ATRNL1: variants seen among roughly 807,000 people sequenced by gnomAD.
The protein encoded by ATRNL1 is attractin like 1.
Under a neutral mutation model 182.7 loss-of-function variants are expected in ATRNL1, and 95 were observed. The ratio of observed to expected loss-of-function variants is 0.52; its 90% CI spans 0.44 to 0.62. The LOEUF (loss-of-function observed/expected upper bound fraction) is 0.62, where lower values mean the gene tolerates loss of function less well. ATRNL1 is among the 20% of genes least tolerant of loss of function. The pLI is 0.00. For synonymous variants in ATRNL1, 576 were observed against 568.3 expected (o/e 1.01, Z -0.19); for missense variants, 1,471 against 1,679.5 (o/e 0.88, Z 2.17).
At chr10:115,820,997 G>C (rs1950281588) in intron 27 of ATRNL1, among the ~76,000 whole-genome samples, 1 of 151,988 alleles carries the variant, frequency 6.6e-6, no homozygotes, top group South Asian at 2.1e-4. Context: ...TTTTGTAAGG[G>C]GCTCTTTCCC....
At chr10:115,624,244 A>G (rs1484453838) in intron 26 of ATRNL1, among the ~76,000 whole-genome samples, 1 of 151,932 alleles carries the variant, frequency 6.6e-6, no homozygotes, top group Non-Finnish European at 1.5e-5. Context: ...AGTACAATAT[A>G]TATAATATGA....
intron 27 of ATRNL1, among the ~76,000 whole-genome samples, chr10:115,802,021 A>AACACACACACACACACACACAC (rs60513803): frequency 0.21 from 26,347 of 125,236 alleles, 3,550 homozygotes; most frequent in East Asian, 0.33. Context: ...AAAAAAAAGA[A>AACACACACACACACACACACAC]ACACACACAC....
chr10:115,362,321 G>A (rs1223220818), intron 19 of ATRNL1, among the ~76,000 whole-genome samples: 1 of 151,846 alleles, frequency 6.6e-6, no homozygotes, highest in African/African-American at 2.4e-5. Context: ...AAAATAGAAT[G>A]AAAATTTATT....
chr10:115,097,704 T>G (rs988764022), intron 1 of ATRNL1, among the ~76,000 whole-genome samples: 2 of 152,062 alleles, frequency 1.3e-5, no homozygotes, highest in African/African-American at 2.4e-5. Context: ...GGCGGGCGGA[T>G]CATGAGGTCA....
At chr10:115,842,824 TAC>T (rs1263289303) in intron 27 of ATRNL1, among the ~76,000 whole-genome samples, 43 of 152,134 alleles carry the variant, frequency 2.8e-4, no homozygotes, top group African/African-American at 9.9e-4. Flanking sequence ...ACCCTGAGAA[TAC>T]AGTCTGACCG....
At chr10:115,223,929 A>ATATATATATATATATATTTT (rs1420143943) in intron 9 of ATRNL1, among the ~76,000 whole-genome samples, 5 of 44,730 alleles carry the variant, frequency 1.1e-4, no homozygotes, top group African/African-American at 4.6e-4. Flanking sequence ...ATATATATAT[A>ATATATATATATATATATTTT]TTTTTTTTTT....
intron 28 of ATRNL1, among the ~76,000 whole-genome samples, chr10:115,912,641 CAACAT>C (rs1332634897): frequency 6.6e-6 from 1 of 150,894 alleles, no homozygotes; most frequent in African/African-American, 2.4e-5. Context: ...ATGCTCAACA[CAACAT>C]GATTTATAAA....
intron 28 of ATRNL1, among the ~76,000 whole-genome samples, chr10:115,899,358 G>A (rs12259143): frequency 0.078 from 11,900 of 152,084 alleles, 1,389 homozygotes; most frequent in African/African-American, 0.25. Context: ...GCCCAGACTG[G>A]AAGGCAATGG....
intron 26 of ATRNL1, among the ~76,000 whole-genome samples, chr10:115,581,755 T>A (rs1219742362): frequency 6.6e-6 from 1 of 151,532 alleles, no homozygotes; most frequent in Admixed American, 6.6e-5. Flanking sequence ...ACTTTTTTTT[T>A]TATTATACTT....
intron 19 of ATRNL1, among the ~76,000 whole-genome samples, chr10:115,353,197 G>A (rs1433858441): frequency 6.6e-6 from 1 of 152,140 alleles, no homozygotes; most frequent in Non-Finnish European, 1.5e-5. Flanking sequence ...ATTGGAGTCT[G>A]TCTTTCTCTT....
intron 8 of ATRNL1, among the ~76,000 whole-genome samples, chr10:115,177,402 TC>T (rs1847555759): frequency 6.6e-6 from 1 of 152,084 alleles, no homozygotes; most frequent in Non-Finnish European, 1.5e-5. Context: ...AAACTTAGGA[TC>T]CTTTTTAGCT....
At chr10:115,868,688 T>G (rs1328314901) in intron 28 of ATRNL1, among the ~76,000 whole-genome samples, 1 of 152,108 alleles carries the variant, frequency 6.6e-6, no homozygotes, top group African/African-American at 2.4e-5. Context: ...ACCTCAGGTC[T>G]CCTAACTCCC....
chr10:115,916,389 G>T (rs1355384110), intron 28 of ATRNL1, among the ~76,000 whole-genome samples: 1 of 152,152 alleles, frequency 6.6e-6, no homozygotes, highest in Non-Finnish European at 1.5e-5. Context: ...ATATAGCCTT[G>T]CCCTCAGAGA....
intron 28 of ATRNL1, among the ~76,000 whole-genome samples, chr10:115,941,765 TA>T (rs1953736925): frequency 6.6e-6 from 1 of 152,250 alleles, no homozygotes; most frequent in South Asian, 2.1e-4. Flanking sequence ...CTTGAACTTT[TA>T]GTTAGCACCA....
At chr10:115,647,378 G>A (rs1555032891) in intron 26 of ATRNL1, among the ~76,000 whole-genome samples, 1 of 152,160 alleles carries the variant, frequency 6.6e-6, no homozygotes, top group Non-Finnish European at 1.5e-5. Context: ...TTGCCACACT[G>A]TCTTCCACAA....
chr10:115,447,745 C>A (rs1210199505), intron 21 of ATRNL1, among the ~76,000 whole-genome samples: 1 of 151,758 alleles, frequency 6.6e-6, no homozygotes, highest in African/African-American at 2.4e-5. Flanking sequence ...AAAATCCTTA[C>A]ACATTTCTAC....
intron 26 of ATRNL1, among the ~76,000 whole-genome samples, chr10:115,561,393 C>G (rs1853697640): frequency 6.6e-6 from 1 of 152,108 alleles, no homozygotes; most frequent in Non-Finnish European, 1.5e-5. Flanking sequence ...ATGGTTTCCA[C>G]ATCTGTGGAT....
At chr10:115,573,001 G>A (rs990280323) in intron 26 of ATRNL1, among the ~76,000 whole-genome samples, 55 of 152,140 alleles carry the variant, frequency 3.6e-4, no homozygotes, top group Admixed American at 2.8e-3. Flanking sequence ...GTTTTGCAAA[G>A]CTCTTTCAGC....
intron 19 of ATRNL1, among the ~76,000 whole-genome samples, chr10:115,370,936 C>A (rs1592543264): frequency 6.6e-6 from 1 of 152,126 alleles, no homozygotes; most frequent in Non-Finnish European, 1.5e-5. Flanking sequence ...GCCCAGGGTC[C>A]CTCTGCTGTG....
Sources: allele counts gnomAD v4.1 joint callset (sites outside exome capture counted in the v4.1 genomes callset), GRCh38; gene constraint gnomAD v4.1.1; transcripts MANE v1.5; gene names NCBI Gene and HGNC (gene_info 2026-07-23, HGNC 2026-07-21).